NUMA1: variants seen among roughly 807,000 people sequenced by gnomAD.
NUMA1 encodes nuclear mitotic apparatus protein 1, also known as SP-H antigen.
A neutral mutation model predicts 237.1 loss-of-function variants in NUMA1; 62 were observed. That is an observed-to-expected ratio of 0.26 (90% CI 0.21 to 0.32). NUMA1 has a LOEUF of 0.32. Ranked by LOEUF, NUMA1 falls within the 10% of genes least tolerant of loss-of-function variation. NUMA1 has a pLI of 1.00. For synonymous variants in NUMA1, 1,028 were observed against 1,066.1 expected, an observed-to-expected ratio of 0.96 and a Z score of 0.70; for missense variants, 2,533 against 2,666.5, an observed-to-expected ratio of 0.95 and a Z score of 1.10.
intron 20 of NUMA1, chr11:72,008,202 T>A (rs1288865265): frequency 1.7e-5 from 8 of 465,358 alleles, no homozygotes; most frequent in Non-Finnish European, 3.4e-5. Context: ...CAGTCTTAAC[T>A]TCTATACTAG....
chr11:72,054,035 C>T (rs968443621), intron 2 of NUMA1, among the ~76,000 whole-genome samples: 15 of 152,076 alleles, frequency 9.9e-5, no homozygotes, highest in African/African-American at 3.6e-4. Context: ...TGTGTGAAGT[C>T]CTGGAACCAA....
At chr11:72,071,689 G>C (rs944404237) in intron 1 of NUMA1, among the ~76,000 whole-genome samples, 13 of 152,074 alleles carry the variant, frequency 8.5e-5, no homozygotes, top group Admixed American at 8.5e-4. Flanking sequence ...CTTTTTCTTA[G>C]GAAATACTTG....
intron 2 of NUMA1, among the ~76,000 whole-genome samples, chr11:72,052,591 C>A (rs960934864): frequency 1.3e-5 from 2 of 152,024 alleles, no homozygotes; most frequent in Admixed American, 1.3e-4. Context: ...CATGGTGAAA[C>A]CCCGTCTCTA....
rs747303344 is a variant in NUMA1 at position 72,013,049 on chromosome 11, G to C, written c.4454C>G (p.Ala1485Gly). 1 of 1,614,208 alleles carries C rather than the reference G, an allele frequency of 6.2e-7. No homozygotes were observed. The highest frequency in any genetic ancestry group is 1.7e-5 in the Admixed American group (1 of 60,030). The change falls in exon 15 of 27, where the codon GCT becomes GGT. Residue 1485 changes from alanine to glycine, a missense_variant. Physicochemically the swap from Ala to Gly is moderately conservative, Grantham distance 60. Around this residue, in one of 3 missense-constraint regions of NUMA1, gnomAD observed 324 missense variants for 407.6 expected, o/e 0.79. Transcript: ENST00000393695. The surrounding 1 kb of genome is among the most constrained non-coding windows in gnomAD (Gnocchi z 6.8). Reference sequence around the variant, plus strand: ...CTCAGCCAGACGGGTCTCAGCATCAGCACGTACGGCTGCCAACTCTTGGAC... The same window carrying C: ...CTCAGCCAGACGGGTCTCAGCATCACCACGTACGGCTGCCAACTCTTGGAC... ...KYVQELAAVR[A>G]DAETRLAEVQ...
chr11:72,050,531 G>A (rs980034439), intron 2 of NUMA1: 2 of 152,194 alleles, frequency 1.3e-5, no homozygotes, highest in African/African-American at 4.8e-5. Context: ...CTAGGGATTT[G>A]AACAAACTTC....
At chr11:72,005,926 A>G (rs1955654294) in intron 22 of NUMA1, 109 bp downstream of exon 22, 2 of 907,266 alleles carry the variant, frequency 2.2e-6, no homozygotes, top group Non-Finnish European at 3.4e-6. Context: ...GCTGGATGGT[A>G]GCAAGGAGGC....
chr11:72,002,978 A>C lies in NUMA1; in HGVS notation c.*549T>G, dbSNP rs1011480276. 7 of 232,882 alleles carry C rather than the reference A, an allele frequency of 3.0e-5. No individual in the cohort carries two copies. Among genetic ancestry groups the C allele is most frequent in the Admixed American group, 1.1e-4 (2 of 17,784 alleles). 14.4% of individuals were successfully genotyped at this position (232,882 alleles called of 1,614,324 possible). A position where few individuals can be genotyped will look rare whatever the true frequency, so the allele number is the denominator to read the frequency against. The stretch of plus-strand genomic sequence containing the variant: ...TCCCACCCCAGTGCAAGTCTGGGGA[A>C]GGTAGGGTGTGAGCTGCTGCTGAAG... On this transcript the variant is annotated 3_prime_UTR_variant, in exon 27 of 27. Transcript: ENST00000393695.
At position 72,005,321 on chromosome 11, in the gene NUMA1, A is replaced by C. The variant is rs1183217457; in HGVS notation, c.5741T>G (p.Leu1914Arg). Residue 1914 changes from leucine (L) to arginine (R), a missense_variant, in exon 23 of 27, where the codon CTG becomes CGG. Transcript: ENST00000393695. ...MGTCQDEPEQ[L>R]DDWNRIAELQ... is the part of the protein sequence containing the mutation. ...CTCTGCAATGCGGTTCCAGTCATCC[A>C]GCTGCTCAGGCTCATCCTGGCAAGT... 1 of 1,608,328 alleles carries C rather than the reference A, an allele frequency of 6.2e-7. No homozygotes were observed. The highest frequency in any genetic ancestry group is 2.3e-5 in the East Asian group (1 of 44,224).
rs190670277 is a variant in NUMA1 at position 72,056,483 on chromosome 11, A to G, written c.-33+13359T>C. On this transcript the variant is annotated intron_variant, in intron 2 of 26. Coordinates refer to ENST00000393695, the MANE Select transcript of NUMA1 (RefSeq NM_006185.4). ...ATTCCAGGTGTCTACCACCACCCCC[A>G]GCTAATTTTTGTATTTTTAGTAGGG... is the stretch of plus-strand genomic sequence containing the variant. Among the ~76,000 whole-genome samples, 1,192 of 151,560 alleles carry G rather than the reference A, an allele frequency of 7.9e-3. 11 individuals carry two copies. Among genetic ancestry groups the G allele is most frequent in the African/African-American group, 0.028 (1,138 of 41,272 alleles).
At chr11:72,030,759 T>C (rs1195618152) in intron 3 of NUMA1, among the ~76,000 whole-genome samples, 1 of 152,262 alleles carries the variant, frequency 6.6e-6, no homozygotes, top group Non-Finnish European at 1.5e-5. Flanking sequence ...ATAGTGGTTA[T>C]GTGCAGACAA....
rs376487822 is a variant in NUMA1 at position 72,016,306 on chromosome 11, C to T, written c.1243-46G>A. 6.4e-5 allele frequency: 102 copies of T among 1,584,218 alleles called. 1 individual carries two copies. Among genetic ancestry groups the T allele is most frequent in the African/African-American group, 3.4e-4 (25 of 74,360 alleles). On this transcript the variant is annotated intron_variant, in intron 14 of 26. Coordinates refer to ENST00000393695, the MANE Select transcript of NUMA1 (RefSeq NM_006185.4). Reference sequence around the variant, plus strand: ...ACTGGGATCAGCATGACTCCTCAGTCATCAAGACTCCTCTGGAAATGGAGG... The same window carrying T: ...ACTGGGATCAGCATGACTCCTCAGTTATCAAGACTCCTCTGGAAATGGAGG...
At chr11:72,042,238 A>G (rs1941728726) in intron 2 of NUMA1, 1 of 152,316 alleles carries the variant, frequency 6.6e-6, no homozygotes. Context: ...GATGGTCAAC[A>G]GGCACCCCCT....
In NUMA1 at chr11:72,012,165, A is replaced by G. The variant is rs1590889179; in HGVS notation, c.4650+236T>C. Reference sequence around the variant, plus strand: ...GCTACCCCTTGTCCCTGATAGGCAAATGAGAGAAGGTGCAGAAGGGTGGAG... The same window carrying G: ...GCTACCCCTTGTCCCTGATAGGCAAGTGAGAGAAGGTGCAGAAGGGTGGAG... On this transcript the variant is annotated intron_variant, in intron 16 of 26. Transcript: ENST00000393695. 11 of 505,360 alleles carry G rather than the reference A, an allele frequency of 2.2e-5. No homozygotes were observed. In the East Asian group the frequency reaches 3.5e-4, roughly 16 times the overall value. The allele number at this position is 505,360 out of a possible 1,614,324, so 31.3% of individuals were successfully genotyped here.
At chr11:72,051,934 G>T (rs1169341866) in intron 2 of NUMA1, among the ~76,000 whole-genome samples, 1 of 152,214 alleles carries the variant, frequency 6.6e-6, no homozygotes, top group African/African-American at 2.4e-5. Flanking sequence ...ACTTACTGAA[G>T]AGAAGTGGGA....
chr11:72,016,060 G>C lies in NUMA1; in HGVS notation c.1443C>G (p.Ala481=), dbSNP rs574666884. The change falls in exon 15 of 27, where the codon GCC becomes GCG. Residue 481 remains alanine, a synonymous_variant. Transcript: ENST00000393695. ...LQSSISNLSQ[A]KEELEQASQA... ...GGGAGGCCTGCTCCAGCTCTTCCTT[G>C]GCCTGGCTGAGGTTGGAGATGGAGC... The C allele has an allele frequency of 6.2e-7, 1 of 1,614,136 alleles. No individual in the cohort carries two copies. The highest frequency in any genetic ancestry group is 1.1e-5 in the South Asian group (1 of 91,082).
chr11:72,011,753 G>A (rs1956177274), intron 16 of NUMA1, among the ~76,000 whole-genome samples: 1 of 151,986 alleles, frequency 6.6e-6, no homozygotes, highest in Non-Finnish European at 1.5e-5. Flanking sequence ...ACACAGAGAT[G>A]ATTCCCATGA....
intron 2 of NUMA1, among the ~76,000 whole-genome samples, chr11:72,058,033 T>G (rs1942757015): frequency 6.6e-6 from 1 of 152,100 alleles, no homozygotes; most frequent in African/African-American, 2.4e-5. Context: ...ATTGTGCCAC[T>G]GCATTACAGC....
At chr11:72,008,934 G>A in intron 19 of NUMA1, 33 bp downstream of exon 19, 1 of 1,612,810 alleles carries the variant, frequency 6.2e-7, no homozygotes, top group Non-Finnish European at 8.5e-7. Context: ...CAGTGGAATA[G>A]GAGTGAGGTG....
chr11:72,021,446 A>G (rs1314649074), intron 7 of NUMA1, among the ~76,000 whole-genome samples, 155 bp from the exon 8 acceptor site: 1 of 152,176 alleles, frequency 6.6e-6, no homozygotes, highest in Non-Finnish European at 1.5e-5. Flanking sequence ...AGGTCCTATG[A>G]CCCAGCCAAC....
Sources: allele counts gnomAD v4.1 joint callset (sites outside exome capture counted in the v4.1 genomes callset), GRCh38; gene constraint gnomAD v4.1.1; regional missense constraint gnomAD v4.1.1; non-coding constraint Gnocchi (gnomAD v3.1); transcripts MANE v1.5; gene names NCBI Gene and HGNC (gene_info 2026-07-23, HGNC 2026-07-21).